Variants in METTL14 observed in about 807,000 individuals in gnomAD.
The protein encoded by METTL14 is methyltransferase 14, N6-adenosine-methyltransferase non-catalytic subunit, also known as N(6)-adenosine-methyltransferase non-catalytic subunit METTL14.
Under a neutral mutation model 62.4 loss-of-function variants are expected in METTL14, and 32 were observed. That is an observed-to-expected ratio of 0.51 (90% CI 0.39 to 0.69). The LOEUF (loss-of-function observed/expected upper bound fraction) is 0.69. Ranked by LOEUF, METTL14 falls within the 30% of genes least tolerant of loss-of-function variation. METTL14 has a pLI of 0.00. For synonymous variants in METTL14, 150 were observed against 180.0 expected (o/e 0.83, Z 1.34); for missense variants, 340 against 551.9 (o/e 0.62, Z 3.85).
chr4:118,698,336 C>T (rs62328102), intron 7 of METTL14, among the ~76,000 whole-genome samples: 9,448 of 151,390 alleles, frequency 0.062, 403 homozygotes, highest in Middle Eastern at 0.28. Context: ...ACCTGTAATC[C>T]CAGCTACTCG....
At chr4:118,708,398 A>G (rs2110411268) in intron 10 of METTL14, among the ~76,000 whole-genome samples, 1 of 152,290 alleles carries the variant, frequency 6.6e-6, no homozygotes, top group East Asian at 1.9e-4. Context: ...CCATAATACC[A>G]CAAACATGCC....
At chr4:118,700,998 T>C (rs796816392) in intron 8 of METTL14, among the ~76,000 whole-genome samples, 17 of 152,182 alleles carry the variant, frequency 1.1e-4, no homozygotes, top group African/African-American at 3.4e-4. Flanking sequence ...TAGCTAAAAG[T>C]ATTCAGGAGC....
intron 7 of METTL14, among the ~76,000 whole-genome samples, chr4:118,700,275 G>A (rs1233594151): frequency 6.6e-6 from 1 of 152,122 alleles, no homozygotes; most frequent in Non-Finnish European, 1.5e-5. Context: ...GATTGCATAA[G>A]TCTATAGCTA....
chr4:118,711,142 A>C lies in METTL14; in HGVS notation c.*840A>C, dbSNP rs1724907587. On this transcript the variant is annotated 3_prime_UTR_variant, in exon 11 of 11. Coordinates refer to ENST00000388822, the MANE Select transcript of METTL14 (RefSeq NM_020961.4). ...GCTTGGTTTATACATTTTGGGACTA[A>C]AATACTTGGTGATGAAATGACATAC... 6.6e-6 allele frequency: 1 copy of C among 152,220 alleles called. No individual in the cohort carries two copies. Among genetic ancestry groups the C allele is most frequent in the South Asian group, 2.1e-4 (1 of 4,834 alleles). 9.4% of individuals were successfully genotyped at this position (152,220 alleles called of 1,614,324 possible).
intron 7 of METTL14, among the ~76,000 whole-genome samples, chr4:118,698,323 C>T (rs1056893041): frequency 6.6e-6 from 1 of 151,428 alleles, no homozygotes; most frequent in African/African-American, 2.4e-5. Context: ...TGTGGTGGCA[C>T]GTACCTGTAA....
chr4:118,694,361 G>C (rs1251090249), intron 5 of METTL14, 75 bp from the exon 6 acceptor site: 10 of 1,101,604 alleles, frequency 9.1e-6, no homozygotes, highest in African/African-American at 1.6e-5. Flanking sequence ...TTTCTTGGGA[G>C]GGCTCATAAC....
chr4:118,691,739 G>T, intron 4 of METTL14, 127 bp downstream of exon 4: 1 of 595,872 alleles, frequency 1.7e-6, no homozygotes, highest in Non-Finnish European at 2.8e-6. Flanking sequence ...ATAAAATAAA[G>T]ATTATTTAAA....
In METTL14 at chr4:118,712,411, G is replaced by GT. The variant is rs1724949503; in HGVS notation, c.*2112dup. 6.6e-6 allele frequency: 1 copy of GT among 152,248 alleles called. No individual in the cohort carries two copies. Among genetic ancestry groups the GT allele is most frequent in the Admixed American group, 6.5e-5 (1 of 15,290 alleles). 9.4% of individuals were successfully genotyped at this position (152,248 alleles called of 1,614,324 possible). On this transcript the variant is annotated 3_prime_UTR_variant, in exon 11 of 11. Coordinates refer to ENST00000388822, the MANE Select transcript of METTL14 (RefSeq NM_020961.4). Reference sequence around the variant, plus strand: ...GTGGGTGGATCACTTGAGGTCAGGAGTTTGAGACCAGCCTGACCAATATGG... The same window carrying GT: ...GTGGGTGGATCACTTGAGGTCAGGAGTTTTGAGACCAGCCTGACCAATATGG...
At chr4:118,701,024 C>G (rs557697282) in intron 8 of METTL14, among the ~76,000 whole-genome samples, 1 of 151,948 alleles carries the variant, frequency 6.6e-6, no homozygotes, top group East Asian at 1.9e-4. Flanking sequence ...CTCCTGAAAT[C>G]CAAATGGAAG....
intron 8 of METTL14, 131 bp downstream of exon 8, chr4:118,700,773 A>G: frequency 1.7e-6 from 1 of 589,144 alleles, no homozygotes; most frequent in Non-Finnish European, 2.8e-6. Flanking sequence ...AATAGTGAGA[A>G]AAAAAAAATG....
intron 3 of METTL14, among the ~76,000 whole-genome samples, chr4:118,691,047 C>T (rs937404025): frequency 3.8e-4 from 58 of 151,890 alleles, no homozygotes; most frequent in African/African-American, 1.3e-3. Flanking sequence ...AATACCTAAT[C>T]TCGTGAATAT....
chr4:118,707,811 G>T (rs750574039), intron 10 of METTL14, among the ~76,000 whole-genome samples: 17 of 151,642 alleles, frequency 1.1e-4, no homozygotes, highest in Non-Finnish European at 2.4e-4. Flanking sequence ...ATAACTATGT[G>T]AGTCAAATAC....
At chr4:118,686,819 G>A (rs2110463197) in intron 1 of METTL14, 1 of 314,296 alleles carries the variant, frequency 3.2e-6, no homozygotes. Flanking sequence ...TTTACACTCA[G>A]CAGATGCCAG....
At position 118,712,436 on chromosome 4, in the gene METTL14, G is replaced by A. The variant is rs568348497; in HGVS notation, c.*2134G>A. On this transcript the variant is annotated 3_prime_UTR_variant, in exon 11 of 11. Transcript: ENST00000388822. The stretch of plus-strand genomic sequence containing the variant: ...GTTTGAGACCAGCCTGACCAATATG[G>A]AGAAATCCCATCTCTACTAAAAATA... 5 of 152,308 alleles carry A rather than the reference G, an allele frequency of 3.3e-5. No individual in the cohort carries two copies. The highest frequency in any genetic ancestry group is 1.2e-4 in the African/African-American group (5 of 41,546). The allele number at this position is 152,308 out of a possible 1,614,324, so 9.4% of individuals were successfully genotyped here.
At position 118,688,023 on chromosome 4, in the gene METTL14, A is replaced by T; in HGVS notation, c.155+12A>T. ...AGAGAAACTTGCAGGTCAGTCAGAT[A>T]ATTCTTTTTTTTTTTTTTTTTGAGA... On this transcript the variant is annotated intron_variant, in intron 2 of 10. Coordinates refer to ENST00000388822, the MANE Select transcript of METTL14 (RefSeq NM_020961.4). The T allele has an allele frequency of 1.3e-6, 2 of 1,558,172 alleles. No individual in the cohort carries two copies. Among genetic ancestry groups the T allele is most frequent in the Non-Finnish European group, 1.8e-6 (2 of 1,139,466 alleles).
rs1163909932 is a variant in METTL14, at chr4:118,710,066, A to G, written c.1135A>G (p.Ser379Gly). 1.9e-6 allele frequency: 3 copies of G among 1,614,224 alleles called. No individual in the cohort carries two copies. The highest frequency in any genetic ancestry group is 2.2e-5 in the South Asian group (2 of 91,084). Residue 379 changes from serine to glycine, a missense_variant, in exon 11 of 11, where the codon AGT becomes GGT. Physicochemically the swap from Ser to Gly is moderately conservative, Grantham distance 56 (BLOSUM62 0). Transcript: ENST00000388822. ...YNAETYASYF[S>G]APNSYLTGCT... ...TGCAGAAACATATGCATCCTATTTC[A>G]GTGCTCCTAATTCCTACTTGACTGG... is the stretch of plus-strand genomic sequence containing the variant.
Position 118,710,462 on chromosome 4 carries a change from A to ACACACACT in METTL14, c.*161_*168dup. ...TTAGCGAGCCTTGCTTGCAGTTGTC[A>ACACACACT]CACACACTGTCTGGTTTTTTTCAGG... On this transcript the variant is annotated 3_prime_UTR_variant, in exon 11 of 11. Transcript: ENST00000388822. The ACACACACT allele has an allele frequency of 2.9e-6, 2 of 687,826 alleles. No individual in the cohort carries two copies. Among genetic ancestry groups the ACACACACT allele is most frequent in the Non-Finnish European group, 2.4e-6 (1 of 419,868 alleles). The allele number at this position is 687,826 out of a possible 1,614,324, so 42.6% of individuals were successfully genotyped here.
At chr4:118,700,198 T>C (rs1208429953) in intron 7 of METTL14, among the ~76,000 whole-genome samples, 1 of 152,174 alleles carries the variant, frequency 6.6e-6, no homozygotes, top group Non-Finnish European at 1.5e-5. Flanking sequence ...CTTAGTTAAG[T>C]GCTTCATTCT....
At chr4:118,694,264 A>G (rs1376845162) in intron 5 of METTL14, among the ~76,000 whole-genome samples, 172 bp from the exon 6 acceptor site, 1 of 152,026 alleles carries the variant, frequency 6.6e-6, no homozygotes, top group Non-Finnish European at 1.5e-5. Flanking sequence ...GTCATTAGTT[A>G]TGAAATCTGC....
Sources: allele counts gnomAD v4.1 joint callset (sites outside exome capture counted in the v4.1 genomes callset), GRCh38; gene constraint gnomAD v4.1.1; transcripts MANE v1.5; gene names NCBI Gene and HGNC (gene_info 2026-07-23, HGNC 2026-07-21).